The following PPARGC1A variants were observed in gnomAD, a reference collection of about 807,000 sequenced individuals.
PPARGC1A encodes peroxisome proliferator-activated receptor gamma coactivator 1-alpha.
In PPARGC1A, 25 loss-of-function variants were observed where a neutral mutation model predicts 88.7. That is an observed-to-expected ratio of 0.28 (90% CI 0.21 to 0.39). The LOEUF is 0.39. Ranked by LOEUF, PPARGC1A falls within the 10% of genes least tolerant of loss-of-function variation. The pLI, the probability that PPARGC1A is intolerant of heterozygous loss-of-function variation, is 1.00. For missense variants in PPARGC1A, 880 were observed against 968.7 expected (o/e 0.91, Z 1.22); for synonymous variants, 363 against 355.6 (o/e 1.02, Z -0.24).
chr4:24,177,624 TAAATAAA>T, the PPARGC1A span, among the ~76,000 whole-genome samples: 9 of 4,628 alleles, frequency 1.9e-3, no homozygotes, highest in East Asian at 3.4e-3. Context: ...TATAATTAAA[TAAATAAA>T]TAAATAAATA....
chr4:24,152,213 G>A, the PPARGC1A span, among the ~76,000 whole-genome samples: 2 of 152,144 alleles, frequency 1.3e-5, no homozygotes, highest in Non-Finnish European at 2.9e-5. Flanking sequence ...CAAAGTTCCC[G>A]TAACTGTCTC....
At chr4:24,079,052 T>A in the PPARGC1A span, among the ~76,000 whole-genome samples, 3 of 152,046 alleles carry the variant, frequency 2.0e-5, no homozygotes, top group Non-Finnish European at 4.4e-5. Flanking sequence ...CATTGGAAAT[T>A]TAGAATGAAT....
At chr4:23,952,781 C>T in the PPARGC1A span, among the ~76,000 whole-genome samples, 1 of 152,104 alleles carries the variant, frequency 6.6e-6, no homozygotes, top group African/African-American at 2.4e-5. Flanking sequence ...AGTCTCCACT[C>T]AGCTAAAGAC....
chr4:24,064,764 GGTTT>G, the PPARGC1A span, among the ~76,000 whole-genome samples: 15 of 151,976 alleles, frequency 9.9e-5, no homozygotes, highest in African/African-American at 9.7e-5. Flanking sequence ...TTTTTTGGTT[GGTTT>G]GTTTGTTTTT....
chr4:24,408,260 G>GA, the PPARGC1A span, among the ~76,000 whole-genome samples: 302 of 113,856 alleles, frequency 2.7e-3, no homozygotes, highest in African/African-American at 8.5e-3. Flanking sequence ...TTCAAACAAA[G>GA]AAAAAAAAAA....
chr4:24,060,201 CAA>C, the PPARGC1A span, among the ~76,000 whole-genome samples: 1 of 152,110 alleles, frequency 6.6e-6, no homozygotes, highest in Non-Finnish European at 1.5e-5. Flanking sequence ...CAAACCAAAC[CAA>C]AGAGACAATA....
the PPARGC1A span, among the ~76,000 whole-genome samples, chr4:24,126,325 T>G: frequency 6.6e-6 from 1 of 150,780 alleles, no homozygotes; most frequent in African/African-American, 2.5e-5. Context: ...CATGGGTAAA[T>G]GGACTCAAAA....
the PPARGC1A span, among the ~76,000 whole-genome samples, chr4:24,003,819 G>GT: frequency 3.2e-5 from 1 of 31,574 alleles, no homozygotes; most frequent in Non-Finnish European, 6.2e-5. Flanking sequence ...GGATCAGATT[G>GT]ATTTTTTTTT....
chr4:23,857,235 A>G (rs974007398), intron 2 of PPARGC1A, among the ~76,000 whole-genome samples: 1 of 151,606 alleles, frequency 6.6e-6, no homozygotes, highest in Non-Finnish European at 1.5e-5. Context: ...GATTCCTGTG[A>G]CAATATAAAA....
intron 2 of PPARGC1A, chr4:23,880,681 T>C (rs926767471): frequency 2.0e-5 from 3 of 152,204 alleles, no homozygotes; most frequent in Non-Finnish European, 4.4e-5. Flanking sequence ...ATTTCCTTGA[T>C]TGCATATAGC....
At chr4:24,336,891 A>T in the PPARGC1A span, among the ~76,000 whole-genome samples, 1 of 152,168 alleles carries the variant, frequency 6.6e-6, no homozygotes. Flanking sequence ...AGCAAGATCC[A>T]CCCATCTCTA....
the PPARGC1A span, among the ~76,000 whole-genome samples, chr4:24,348,848 G>A: frequency 5.3e-5 from 8 of 152,146 alleles, no homozygotes; most frequent in Admixed American, 2.6e-4. Context: ...TATTGCTTGT[G>A]TGATTTTTGG....
chr4:24,262,125 C>G, the PPARGC1A span, among the ~76,000 whole-genome samples: 1 of 152,144 alleles, frequency 6.6e-6, no homozygotes, highest in Non-Finnish European at 1.5e-5. Context: ...CCACGCACCC[C>G]CCGCCCCATA....
chr4:24,112,841 T>A, the PPARGC1A span, among the ~76,000 whole-genome samples: 12 of 152,186 alleles, frequency 7.9e-5, no homozygotes, highest in Non-Finnish European at 1.8e-4. Flanking sequence ...TCTTGCCCTA[T>A]CACCACTTCT....
At chr4:24,039,559 G>T in the PPARGC1A span, among the ~76,000 whole-genome samples, 1 of 152,080 alleles carries the variant, frequency 6.6e-6, no homozygotes, top group Non-Finnish European at 1.5e-5. Context: ...AAAATGCAAA[G>T]GGAGGTCTCA....
the PPARGC1A span, among the ~76,000 whole-genome samples, chr4:24,349,156 A>G: frequency 1.3e-5 from 2 of 152,126 alleles, no homozygotes; most frequent in Non-Finnish European, 2.9e-5. Flanking sequence ...TGAACCCTCT[A>G]TGGGTCCCTC....
the PPARGC1A span, among the ~76,000 whole-genome samples, chr4:23,958,768 T>C: frequency 1.3e-5 from 2 of 152,128 alleles, no homozygotes; most frequent in African/African-American, 4.8e-5. Flanking sequence ...GAATTGTCTT[T>C]AATCAAGACT....
chr4:24,349,316 A>G, the PPARGC1A span, among the ~76,000 whole-genome samples: 1 of 152,182 alleles, frequency 6.6e-6, no homozygotes, highest in Non-Finnish European at 1.5e-5. Flanking sequence ...CATCAGCTGC[A>G]GTAGTAGTGT....
At chr4:24,061,480 C>T in the PPARGC1A span, among the ~76,000 whole-genome samples, 5 of 152,116 alleles carry the variant, frequency 3.3e-5, no homozygotes, top group South Asian at 2.1e-4. Flanking sequence ...CAGAGGATGA[C>T]GGAGATCCTT....
Sources: allele counts gnomAD v4.1 joint callset (sites outside exome capture counted in the v4.1 genomes callset), GRCh38; gene constraint gnomAD v4.1.1; transcripts MANE v1.5; gene names NCBI Gene and HGNC (gene_info 2026-07-23, HGNC 2026-07-21).